Variants in DYSF observed in about 807,000 individuals in gnomAD.
DYSF encodes the protein dystrophy-associated fer-1-like 1.
DYSF carries 212 observed loss-of-function variants against 274.9 expected under a neutral mutation model. The observed-to-expected ratio is 0.77, with a 90% CI of 0.69 to 0.86. The LOEUF (loss-of-function observed/expected upper bound fraction) is 0.86. Ranked by LOEUF, DYSF falls within the 40% of genes least tolerant of loss-of-function variation. The pLI, the probability that DYSF is intolerant of heterozygous loss-of-function variation, is 0.00. For missense variants in DYSF, 2,666 were observed against 2,783.2 expected (o/e 0.96, Z 0.95); for synonymous variants, 1,091 against 1,078.7 (o/e 1.01, Z -0.22).
intron 29 of DYSF, 107 bp from the exon 30 acceptor site, chr2:71,574,068 ACCTGGAGGGCACTAGTGTGGGAG>A: frequency 8.4e-7 from 1 of 1,188,420 alleles, no homozygotes. Flanking sequence ...AGGTTTTCCC[ACCTGGAGGGCACTAGTGTGGGAG>A]CTGGTGGGGA....
chr2:71,471,698 G>T (rs1307060264), intron 1 of DYSF, among the ~76,000 whole-genome samples: 1 of 152,168 alleles, frequency 6.6e-6, no homozygotes, highest in Non-Finnish European at 1.5e-5. Flanking sequence ...GGCCGGGTGT[G>T]GTGGCTCACG....
chr2:71,543,435 C>T lies in DYSF; in HGVS notation c.1576+4196C>T, dbSNP rs548058980. Among the ~76,000 whole-genome samples the T allele has an allele frequency of 7.4e-4, 112 of 151,292 alleles. 1 individual carries two copies. The highest frequency in any genetic ancestry group is 2.4e-3 in the African/African-American group (100 of 41,228). ...CAGACGATGGGCGGCCAGGCAGAGACGCTCCTCACTTCCCAGACGGGGTGG... is the reference window on the plus strand; with the variant it reads ...CAGACGATGGGCGGCCAGGCAGAGATGCTCCTCACTTCCCAGACGGGGTGG... On this transcript the variant is annotated intron_variant, in intron 17 of 55. Coordinates refer to ENST00000410020, the MANE Select transcript of DYSF (RefSeq NM_001130987.2).
Position 71,607,315 on chromosome 2 carries a change from C to T in DYSF, c.3958-3930C>T, listed in dbSNP as rs58345604. On this transcript the variant is annotated intron_variant, in intron 36 of 55. Transcript: ENST00000410020. ...TGCAACCTGCTAGCATTCAGAAGGGCAGGGGTTGCGTGTGTCCCAGGAGGT... is the reference window on the plus strand; with the variant it reads ...TGCAACCTGCTAGCATTCAGAAGGGTAGGGGTTGCGTGTGTCCCAGGAGGT... Among the ~76,000 whole-genome samples the T allele has an allele frequency of 1.8e-3, 273 of 152,206 alleles. 5 individuals carry two copies. The East Asian group carries it at 0.041, about 23-fold the overall frequency.
rs1574040343 is a variant in DYSF at position 71,567,808 on chromosome 2, G to A, written c.2566-143G>A. On this transcript the variant is annotated intron_variant, in intron 24 of 55. Coordinates refer to ENST00000410020, the MANE Select transcript of DYSF (RefSeq NM_001130987.2). The stretch of plus-strand genomic sequence containing the variant: ...CACACTCCCCTTCTATGCAATTCTG[G>A]TAAGCGCTCCCACAGGGGACACTCC... 8.1e-6 allele frequency: 10 copies of A among 1,234,140 alleles called. No homozygotes were observed. The East Asian group carries it at 2.4e-4, about 30-fold the overall frequency. 76.4% of individuals were successfully genotyped at this position (1,234,140 alleles called of 1,614,324 possible).
At chr2:71,528,230 T>TG (rs2088197018) in intron 13 of DYSF, 68 bp from the exon 14 acceptor site, 4 of 1,403,402 alleles carry the variant, frequency 2.9e-6, no homozygotes, top group Non-Finnish European at 4.0e-6. Flanking sequence ...TGGAGACAGA[T>TG]GGGGGACAGT....
At chr2:71,520,315 G>A in intron 11 of DYSF, 107 bp downstream of exon 11, 1 of 1,244,698 alleles carries the variant, frequency 8.0e-7, no homozygotes, top group Non-Finnish European at 1.2e-6. Flanking sequence ...TTAGAATCTA[G>A]AGGAAGGGTT....
chr2:71,535,931 T>G (rs2089289157), intron 16 of DYSF, among the ~76,000 whole-genome samples: 1 of 152,128 alleles, frequency 6.6e-6, no homozygotes, highest in Non-Finnish European at 1.5e-5. Flanking sequence ...GACCATCAAC[T>G]CACCGACATC....
At chr2:71,585,346 G>A (rs898279710) in intron 30 of DYSF, among the ~76,000 whole-genome samples, 3 of 152,200 alleles carry the variant, frequency 2.0e-5, no homozygotes, top group African/African-American at 4.8e-5. Flanking sequence ...GGCCTCTCTG[G>A]GCAGGTGCCA....
chr2:71,510,740 G>C (rs1415027680), intron 4 of DYSF, among the ~76,000 whole-genome samples: 2 of 152,238 alleles, frequency 1.3e-5, no homozygotes, highest in Non-Finnish European at 2.9e-5. Flanking sequence ...GAGCCACTCA[G>C]AGGGACATTA....
chr2:71,635,832 A>G (rs996443799), intron 41 of DYSF, among the ~76,000 whole-genome samples: 1 of 152,124 alleles, frequency 6.6e-6, no homozygotes, highest in African/African-American at 2.4e-5. Context: ...TACAATAAAC[A>G]ATATTAATAC....
intron 1 of DYSF, among the ~76,000 whole-genome samples, chr2:71,474,547 C>T (rs2082261646): frequency 6.6e-6 from 1 of 152,200 alleles, no homozygotes; most frequent in Non-Finnish European, 1.5e-5. Flanking sequence ...TAACAGTTTC[C>T]TAATTATCAA....
At chr2:71,649,209 G>A (rs528880112) in intron 42 of DYSF, among the ~76,000 whole-genome samples, 1 of 151,564 alleles carries the variant, frequency 6.6e-6, no homozygotes, top group Non-Finnish European at 1.5e-5. Context: ...CAAATGGAAG[G>A]GTTAAGGTAA....
rs1553422709 is a variant in DYSF, at chr2:71,682,607, G to A, written c.6251G>A (p.Trp2084Ter). 6.2e-7 allele frequency: 1 copy of A among 1,614,114 alleles called. No individual in the cohort carries two copies. The highest frequency in any genetic ancestry group is 8.5e-7 in the Non-Finnish European group (1 of 1,180,026). ...TTCATCCTGTGGCGGCGTTTCCGGT[G>A]GGCCATCATCCTCTTCATCATCCTC... ...MKFILWRRFR[W>*]AIILFIILFI... The change falls in exon 55 of 56, where the codon TGG (tryptophan) becomes TAG (stop). Residue 2084 changes from tryptophan (W) to a stop codon, truncating the protein, a stop_gained. Transcript: ENST00000410020. LOFTEE classifies it high-confidence loss of function.
intron 18 of DYSF, 35 bp from the exon 19 acceptor site, chr2:71,551,572 C>T: frequency 6.4e-7 from 1 of 1,561,928 alleles, no homozygotes; most frequent in Non-Finnish European, 8.7e-7. Flanking sequence ...TCCCCTCTGT[C>T]TCCCCTGCTC....
At chr2:71,516,647 T>A (rs113164252) in intron 9 of DYSF, among the ~76,000 whole-genome samples, 166 of 152,320 alleles carry the variant, frequency 1.1e-3, no homozygotes, top group African/African-American at 3.9e-3. Flanking sequence ...TCTCTTTCTC[T>A]CTGGGCCTTG....
At chr2:71,645,675 G>T (rs1027711253) in intron 42 of DYSF, among the ~76,000 whole-genome samples, 1 of 151,772 alleles carries the variant, frequency 6.6e-6, no homozygotes, top group Non-Finnish European at 1.5e-5. Flanking sequence ...TGAAGCCCTC[G>T]CCAGGGACAC....
intron 21 of DYSF, 108 bp from the exon 22 acceptor site, chr2:71,555,857 G>T: frequency 1.2e-6 from 1 of 868,930 alleles, no homozygotes; most frequent in African/African-American, 1.7e-5. Context: ...TGCTCTAACT[G>T]TTCACTCCTT....
intron 4 of DYSF, among the ~76,000 whole-genome samples, 167 bp from the exon 5 acceptor site, chr2:71,511,640 C>T (rs560709274): frequency 6.6e-6 from 1 of 152,188 alleles, no homozygotes; most frequent in Non-Finnish European, 1.5e-5. Flanking sequence ...AACCACCTGA[C>T]TATGCTGATA....
intron 7 of DYSF, among the ~76,000 whole-genome samples, chr2:71,514,307 A>G (rs970494174): frequency 3.9e-5 from 6 of 152,148 alleles, no homozygotes; most frequent in Non-Finnish European, 8.8e-5. Context: ...TCACCTGTAT[A>G]CTTGTTAGAC....
Sources: gnomAD v4.1 joint callset for allele counts (sites outside exome capture counted in the v4.1 genomes callset) on GRCh38, gnomAD v4.1.1 for gene constraint, MANE v1.5 for transcripts, NCBI Gene and HGNC (gene_info 2026-07-23, HGNC 2026-07-21) for gene names.